Variants in STPG2 observed in about 807,000 individuals in gnomAD.
The protein encoded by STPG2 is sperm tail PG-rich repeat containing 2.
STPG2 carries 56 observed loss-of-function variants against 54.2 expected under a neutral mutation model. The observed-to-expected ratio is 1.03, with a 90% confidence interval of 0.83 to 1.29. The LOEUF is 1.29. Ranked by LOEUF, STPG2 falls within the 50% of genes most tolerant of loss-of-function variation. The pLI, the probability that STPG2 is intolerant of heterozygous loss-of-function variation, is 0.00. For synonymous variants in STPG2, 200 were observed against 181.8 expected, an observed-to-expected ratio of 1.10 and a Z score of -0.81; for missense variants, 596 against 544.9, an observed-to-expected ratio of 1.09 and a Z score of -0.93.
chr4:97,671,448 C>T (rs1459555204), intron 10 of STPG2, among the ~76,000 whole-genome samples: 1 of 152,140 alleles, frequency 6.6e-6, no homozygotes, highest in Non-Finnish European at 1.5e-5. Flanking sequence ...TGCTTCCCAG[C>T]AATAAAACAA....
intron 8 of STPG2, among the ~76,000 whole-genome samples, chr4:97,891,948 A>C (rs192574606): frequency 1.3e-5 from 2 of 152,092 alleles, no homozygotes; most frequent in East Asian, 1.9e-4. Flanking sequence ...ATTGCTGGCT[A>C]TCTGGTATGT....
At chr4:98,064,578 T>C (rs1737765330) in intron 5 of STPG2, among the ~76,000 whole-genome samples, 1 of 152,196 alleles carries the variant, frequency 6.6e-6, no homozygotes, top group Non-Finnish European at 1.5e-5. Context: ...TGTTTAAAAC[T>C]TCATATTGGG....
At position 97,734,150 on chromosome 4, in the gene STPG2, T is replaced by C. The variant is rs537341802; in HGVS notation, c.1205-21336A>G. ...TAATGTTACCTGTGTACTTGAGTTA[T>C]ATGGCCTTTACTGTATTAAGGAATA... On this transcript the variant is annotated intron_variant, in intron 9 of 10. Transcript: ENST00000295268. Among the ~76,000 whole-genome samples the C allele has an allele frequency of 2.0e-5, 3 of 152,346 alleles. No individual in the cohort carries two copies. In the South Asian group the frequency reaches 6.2e-4, roughly 32 times the overall value.
chr4:97,816,037 CAT>C (rs1488035804), intron 9 of STPG2, among the ~76,000 whole-genome samples: 15 of 152,192 alleles, frequency 9.9e-5, no homozygotes, highest in African/African-American at 3.4e-4. Flanking sequence ...CCTAGCCTCC[CAT>C]CCCCCAACAG....
chr4:97,580,445 C>T (rs1434715232), intron 10 of STPG2, among the ~76,000 whole-genome samples: 3 of 151,880 alleles, frequency 2.0e-5, no homozygotes, highest in African/African-American at 7.2e-5. Context: ...TACTTATTTA[C>T]TTGATTGTTT....
At chr4:97,908,965 T>A (rs925996143) in intron 8 of STPG2, among the ~76,000 whole-genome samples, 9 of 150,802 alleles carry the variant, frequency 6.0e-5, no homozygotes, top group African/African-American at 2.2e-4. Flanking sequence ...TGTATACATA[T>A]GTAACTAACC....
intron 2 of STPG2, 21 bp downstream of exon 2, chr4:98,134,326 T>C: frequency 7.1e-7 from 1 of 1,410,696 alleles, no homozygotes; most frequent in Non-Finnish European, 9.6e-7. Context: ...ATTAAGTCAA[T>C]TATAGTAACT....
At chr4:97,936,196 C>A (rs1732739748) in intron 8 of STPG2, among the ~76,000 whole-genome samples, 1 of 152,150 alleles carries the variant, frequency 6.6e-6, no homozygotes, top group South Asian at 2.1e-4. Flanking sequence ...ACTAGGATTG[C>A]AACCCCTGCT....
intron 10 of STPG2, among the ~76,000 whole-genome samples, chr4:97,624,568 G>A (rs1734092795): frequency 6.6e-6 from 1 of 152,152 alleles, no homozygotes. Flanking sequence ...CTCCCATTCT[G>A]TAGGTTGTCT....
chr4:97,743,584 T>C (rs1725333151), intron 9 of STPG2, among the ~76,000 whole-genome samples: 2 of 151,710 alleles, frequency 1.3e-5, no homozygotes, highest in Non-Finnish European at 3.0e-5. Flanking sequence ...GAAGATGCCA[T>C]ATCTCATATC....
chr4:97,642,869 A>G (rs1721803146), intron 10 of STPG2, among the ~76,000 whole-genome samples: 1 of 151,522 alleles, frequency 6.6e-6, no homozygotes, highest in Non-Finnish European at 1.5e-5. Flanking sequence ...AATCAAAACA[A>G]AAAAAGAAAA....
intron 9 of STPG2, among the ~76,000 whole-genome samples, chr4:97,775,973 A>G (rs1227773287): frequency 6.6e-6 from 1 of 151,824 alleles, no homozygotes; most frequent in African/African-American, 2.4e-5. Context: ...CATTGACAAG[A>G]CTGGTCTCGA....
At chr4:97,931,665 TTTG>T (rs1030259745) in intron 8 of STPG2, among the ~76,000 whole-genome samples, 52 of 144,842 alleles carry the variant, frequency 3.6e-4, no homozygotes, top group African/African-American at 1.2e-3. Flanking sequence ...TTTTTTGTTT[TTTG>T]TTGTTGTTGT....
At chr4:98,027,124 A>G (rs1352195031) in intron 5 of STPG2, among the ~76,000 whole-genome samples, 4 of 152,174 alleles carry the variant, frequency 2.6e-5, no homozygotes, top group African/African-American at 7.2e-5. Context: ...GGGAAAGGCA[A>G]TTCCAAAGAC....
chr4:97,934,860 G>A (rs187769845), intron 8 of STPG2, among the ~76,000 whole-genome samples: 1 of 152,254 alleles, frequency 6.6e-6, no homozygotes, highest in African/African-American at 2.4e-5. Flanking sequence ...TCAGGATGAT[G>A]CTGGCCTCAT....
chr4:98,077,403 C>A (rs551131235), intron 5 of STPG2, among the ~76,000 whole-genome samples: 1 of 152,182 alleles, frequency 6.6e-6, no homozygotes, highest in South Asian at 2.1e-4. Context: ...CCACCACGCC[C>A]GCCTAATTTT....
intron 10 of STPG2, among the ~76,000 whole-genome samples, chr4:97,688,558 G>A (rs1041174944): frequency 3.3e-5 from 5 of 152,002 alleles, no homozygotes; most frequent in Non-Finnish European, 7.4e-5. Flanking sequence ...TAGTAGAGAT[G>A]GGGTTTCACC....
At chr4:97,947,065 C>T (rs1421850714) in intron 7 of STPG2, among the ~76,000 whole-genome samples, 1 of 152,104 alleles carries the variant, frequency 6.6e-6, no homozygotes, top group Non-Finnish European at 1.5e-5. Flanking sequence ...CCTATGATTT[C>T]TTTCGGCAGT....
At chr4:97,695,564 T>C (rs1304755903) in intron 10 of STPG2, among the ~76,000 whole-genome samples, 1 of 152,112 alleles carries the variant, frequency 6.6e-6, no homozygotes, top group Non-Finnish European at 1.5e-5. Flanking sequence ...ATTGTTGCTG[T>C]TCGCTGATGA....
Sources: allele counts gnomAD v4.1 joint callset (sites outside exome capture counted in the v4.1 genomes callset), GRCh38; gene constraint gnomAD v4.1.1; transcripts MANE v1.5; gene names NCBI Gene and HGNC (gene_info 2026-07-23, HGNC 2026-07-21).